Variants in CFI observed in about 807,000 individuals in gnomAD.
The protein encoded by CFI is complement factor I, also known as C3B/C4B inactivator.
In CFI, 66 loss-of-function variants were observed where a neutral mutation model predicts 78.8. That is an observed-to-expected ratio of 0.84 (90% CI 0.69 to 1.03). The LOEUF (loss-of-function observed/expected upper bound fraction) is 1.03. Ranked by LOEUF, CFI falls within the 50% of genes least tolerant of loss-of-function variation. The pLI is 0.00. For synonymous variants in CFI, 250 were observed against 232.6 expected, an observed-to-expected ratio of 1.07 and a Z score of -0.68; for missense variants, 706 against 704.5, an observed-to-expected ratio of 1.00 and a Z score of -0.02.
At chr4:109,788,338 A>T (rs1229755031) in intron 1 of CFI, among the ~76,000 whole-genome samples, 1 of 152,114 alleles carries the variant, frequency 6.6e-6, no homozygotes, top group South Asian at 2.1e-4. Flanking sequence ...TTGCATTCCC[A>T]TCATCAATAT....
At chr4:109,791,290 G>A (rs181359070) in intron 1 of CFI, among the ~76,000 whole-genome samples, 29 of 151,300 alleles carry the variant, frequency 1.9e-4, no homozygotes, top group African/African-American at 6.0e-4. Flanking sequence ...TTTTTAATGG[G>A]TTGTTTTTTT....
At chr4:109,753,805 TA>T in intron 7 of CFI, among the ~76,000 whole-genome samples, 1 of 103,430 alleles carries the variant, frequency 9.7e-6, no homozygotes, top group South Asian at 2.9e-4. Flanking sequence ...ATATATTATC[TA>T]ATGTATAATT....
At chr4:109,779,560 A>G (rs1281402861) in intron 1 of CFI, among the ~76,000 whole-genome samples, 1 of 152,186 alleles carries the variant, frequency 6.6e-6, no homozygotes, top group Admixed American at 6.5e-5. Flanking sequence ...CATACTACCC[A>G]AGGTAATTTA....
At chr4:109,740,218 G>A (rs1723632299), downstream of CFI, among the ~76,000 whole-genome samples, 1 of 152,076 alleles carries the variant, frequency 6.6e-6, no homozygotes, top group Non-Finnish European at 1.5e-5. Flanking sequence ...TTGAGCCCAG[G>A]AGTTCAAGGC....
rs746274160 is a variant in CFI at position 109,760,337 on chromosome 4, A to G, written c.816T>C (p.Ile272=). The G allele has an allele frequency of 7.4e-6, 12 of 1,614,168 alleles. No individual in the cohort carries two copies. In the South Asian group the frequency reaches 1.3e-4, roughly 18 times the overall value. ...KGFHCKSGVC[I]PSQYQCNGEV... ...CACCATTGCATTGATACTGGCTTGGAATGCAAACACCCGATTTGCAATGGA... is the reference window on the plus strand; with the variant it reads ...CACCATTGCATTGATACTGGCTTGGGATGCAAACACCCGATTTGCAATGGA... Residue 272 remains isoleucine, a synonymous_variant, in exon 6 of 13, where the codon ATT becomes ATC. Coordinates refer to ENST00000394634, the MANE Select transcript of CFI (RefSeq NM_000204.5).
chr4:109,752,019 C>T (rs980580450), intron 8 of CFI, among the ~76,000 whole-genome samples: 11 of 152,080 alleles, frequency 7.2e-5, no homozygotes, highest in South Asian at 2.1e-4. Flanking sequence ...GCTTTTAGCG[C>T]ACAACTGGCC....
chr4:109,744,085 A>G lies in CFI; in HGVS notation c.1430-1490T>C, dbSNP rs138061340. Among the ~76,000 whole-genome samples, 479 of 152,334 alleles carry G rather than the reference A, an allele frequency of 3.1e-3. 8 individuals carry two copies. Among genetic ancestry groups the G allele is most frequent in the Non-Finnish European group, 5.0e-4 (34 of 68,026 alleles). ...TCTCTTTAATGATTAAATTTTAAAT[A>G]AAAGGAAGGGGTAACTATTCTAGAT... On this transcript the variant is annotated intron_variant, in intron 11 of 12. Coordinates refer to ENST00000394634, the MANE Select transcript of CFI (RefSeq NM_000204.5).
intron 7 of CFI, among the ~76,000 whole-genome samples, chr4:109,755,965 C>A (rs114350186): frequency 6.6e-6 from 1 of 151,816 alleles, no homozygotes; most frequent in East Asian, 1.9e-4. Flanking sequence ...GATGAACACA[C>A]AGTAACATGG....
intron 1 of CFI, among the ~76,000 whole-genome samples, chr4:109,774,307 G>A (rs1728948105): frequency 6.6e-6 from 1 of 152,182 alleles, no homozygotes; most frequent in Non-Finnish European, 1.5e-5. Flanking sequence ...GAAAGATACA[G>A]AATATGGAGA....
chr4:109,781,027 T>C (rs1453746117), intron 1 of CFI, among the ~76,000 whole-genome samples: 4 of 152,080 alleles, frequency 2.6e-5, no homozygotes, highest in Non-Finnish European at 5.9e-5. Context: ...GGGATAGCAT[T>C]AGGAGATATA....
Position 109,760,564 on chromosome 4 carries a change from A to C in CFI, c.731T>G (p.Ile244Ser), listed in dbSNP as rs200095323. The change falls in exon 5 of 13, where the codon ATC (isoleucine) becomes AGC (serine). Residue 244 changes from isoleucine to serine, a missense_variant. Physicochemically the swap from Ile to Ser is moderately radical, Grantham distance 142. Coordinates refer to ENST00000394634, the MANE Select transcript of CFI (RefSeq NM_000204.5). ...YISQMKACDGINDCGDQSDEL... is the reference protein window; with the variant it reads ...YISQMKACDGSNDCGDQSDEL... ...ATCACTTTGGTCTCCACAATCATTG[A>C]TACCATCACAGGCTTTCATCTGAGA... is the stretch of plus-strand genomic sequence containing the variant. The C allele has an allele frequency of 6.8e-6, 11 of 1,610,736 alleles. No individual in the cohort carries two copies. In the East Asian group the frequency reaches 1.6e-4, roughly 23 times the overall value.
intron 1 of CFI, among the ~76,000 whole-genome samples, chr4:109,795,768 G>C: frequency 6.6e-6 from 1 of 152,108 alleles, no homozygotes; most frequent in East Asian, 1.9e-4. Context: ...AAACAGAAGA[G>C]AGAATCAGTG....
chr4:109,745,872 G>A (rs1724347244), intron 11 of CFI, among the ~76,000 whole-genome samples: 1 of 152,066 alleles, frequency 6.6e-6, no homozygotes, highest in South Asian at 2.1e-4. Flanking sequence ...TTTGCCACAG[G>A]ATCATAGAGA....
intron 1 of CFI, chr4:109,793,958 A>T (rs1158079865): frequency 6.6e-6 from 1 of 152,196 alleles, no homozygotes; most frequent in African/African-American, 2.4e-5. Context: ...CTTGGTTGAC[A>T]GTTTTTTACT....
At chr4:109,764,008 TA>T (rs1434630412) in intron 3 of CFI, among the ~76,000 whole-genome samples, 1 of 148,616 alleles carries the variant, frequency 6.7e-6, no homozygotes, top group East Asian at 1.9e-4. Context: ...GTATATAAGC[TA>T]TATATAAATT....
At position 109,741,107 on chromosome 4, in the gene CFI, G is replaced by A. The variant is rs202155587; in HGVS notation, c.1538C>T (p.Thr513Ile). The change falls in exon 13 of 13, where the codon ACA (threonine) becomes ATA (isoleucine). Residue 513 changes from threonine (T) to isoleucine (I), a missense_variant. Transcript: ENST00000394634. Reference protein sequence around the residue: ...FYEKEMECAGTYDGSIDACKG... With the variant: ...FYEKEMECAGIYDGSIDACKG... ...ACAGGCATCGATGGAACCATCATAT[G>A]TACCTAAGAAAGAAATGTGAAAGAG... 6.8e-6 allele frequency: 11 copies of A among 1,614,042 alleles called. No individual in the cohort carries two copies. The highest frequency in any genetic ancestry group is 1.1e-5 in the South Asian group (1 of 91,072).
chr4:109,753,862 A>C (rs9715280), intron 7 of CFI, among the ~76,000 whole-genome samples: 1,358 of 7,524 alleles, frequency 0.18, 4 homozygotes, highest in East Asian at 0.24. Flanking sequence ...TATATATTAT[A>C]TAATGTATAA....
chr4:109,757,978 AACTC>A, intron 6 of CFI, 195 bp from the exon 7 acceptor site: 1 of 1,455,694 alleles, frequency 6.9e-7, no homozygotes, highest in Non-Finnish European at 9.1e-7. Flanking sequence ...AAAAACAAAA[AACTC>A]ACTATAGCAA....
intron 1 of CFI, among the ~76,000 whole-genome samples, chr4:109,797,642 T>C (rs1732228213): frequency 6.6e-6 from 1 of 152,106 alleles, no homozygotes; most frequent in South Asian, 2.1e-4. Context: ...ATGGAAGAAA[T>C]ATTTGCAAAC....
Sources: allele counts gnomAD v4.1 joint callset (sites outside exome capture counted in the v4.1 genomes callset), GRCh38; gene constraint gnomAD v4.1.1; transcripts MANE v1.5; gene names NCBI Gene and HGNC (gene_info 2026-07-23, HGNC 2026-07-21).